The following COL5A2 variants were observed in gnomAD, a reference collection of about 807,000 sequenced individuals.
The protein encoded by COL5A2 is collagen type V alpha 2 chain.
In COL5A2, 23 loss-of-function variants were observed where a neutral mutation model predicts 208.2. The ratio of observed to expected loss-of-function variants is 0.11; its 90% CI spans 0.08 to 0.16. COL5A2 has a LOEUF of 0.16. Ranked by LOEUF, COL5A2 falls within the 10% of genes least tolerant of loss-of-function variation. The pLI, the probability that COL5A2 is intolerant of heterozygous loss-of-function variation, is 1.00. For missense variants in COL5A2, 1,590 were observed against 1,956.4 expected, an observed-to-expected ratio of 0.81 and a Z score of 3.53; for synonymous variants, 625 against 628.5, an observed-to-expected ratio of 0.99 and a Z score of 0.08.
chr2:189,263,916 C>T, the COL5A2 span, among the ~76,000 whole-genome samples: 1 of 152,188 alleles, frequency 6.6e-6, no homozygotes, highest in South Asian at 2.1e-4. Context: ...TTAAGTGACA[C>T]ATAACTATAC....
At chr2:189,110,073 G>A (rs535353723) in intron 2 of COL5A2, 152 bp downstream of exon 2, 22 of 675,928 alleles carry the variant, frequency 3.3e-5, no homozygotes, top group African/African-American at 5.3e-5. Context: ...TAGATGAAGT[G>A]AGTGAGCAAA....
At position 189,167,682 on chromosome 2, in the gene COL5A2, T is replaced by TTTA. The variant is rs1553523157; in HGVS notation, c.97+11825_97+11826insTAA. ...AGAAGTGATTTTTTTTTTTTTTTTTTAGTCCTGGGAGCTGCTTTGTAAATC... is the reference window on the plus strand; with the variant it reads ...AGAAGTGATTTTTTTTTTTTTTTTTTTTAAGTCCTGGGAGCTGCTTTGTAAATC... On this transcript the variant is annotated intron_variant, in intron 1 of 53. Transcript: ENST00000374866. Among the ~76,000 whole-genome samples, 13 of 151,304 alleles carry TTTA rather than the reference T, an allele frequency of 8.6e-5. 2 individuals are homozygous for TTTA. In the East Asian group the frequency reaches 2.5e-3, roughly 29 times the overall value.
chr2:189,269,904 A>G, the COL5A2 span, among the ~76,000 whole-genome samples: 1 of 152,142 alleles, frequency 6.6e-6, no homozygotes, highest in Admixed American at 6.6e-5. Context: ...TACTGCTTCA[A>G]CTTCAGAACT....
At chr2:189,325,714 A>G in the COL5A2 span, among the ~76,000 whole-genome samples, 1 of 152,222 alleles carries the variant, frequency 6.6e-6, no homozygotes. Flanking sequence ...TAACACTTTA[A>G]AGTTTCCAAA....
intron 1 of COL5A2, among the ~76,000 whole-genome samples, chr2:189,120,535 T>A (rs6434324): frequency 1.3e-5 from 2 of 152,080 alleles, no homozygotes; most frequent in Non-Finnish European, 2.9e-5. Context: ...ATTCTGTTTA[T>A]AAAAGCAAAC....
In COL5A2 at chr2:189,179,522, T is replaced by C; in HGVS notation, c.83A>G (p.Glu28Gly). 1.2e-6 allele frequency: 2 copies of C among 1,611,894 alleles called. No individual in the cohort carries two copies. Among genetic ancestry groups the C allele is most frequent in the Non-Finnish European group, 1.7e-6 (2 of 1,178,932 alleles). The change falls in exon 1 of 54, where the codon GAA becomes GGA. Residue 28 changes from glutamate (E) to glycine (G), a missense_variant. Transcript: ENST00000374866. Reference protein sequence around the residue: ...LGQFVSIKAQEEDEDEGYGEE... With the variant: ...LGQFVSIKAQGEDEDEGYGEE... ...GGCAAACTCACCATCCTCGTCTTCT[T>C]CCTGGGCTTTTATTGAGACAAATTG...
intron 8 of COL5A2, among the ~76,000 whole-genome samples, chr2:189,087,826 TAAGAAAAGC>T (rs1295539540): frequency 2.0e-5 from 3 of 148,982 alleles, no homozygotes; most frequent in Non-Finnish European, 3.0e-5. Context: ...GAACATATAG[TAAGAAAAGC>T]TCCATTTAAA....
intron 8 of COL5A2, among the ~76,000 whole-genome samples, chr2:189,087,558 G>C (rs1419727488): frequency 1.3e-5 from 2 of 151,592 alleles, no homozygotes; most frequent in Admixed American, 1.3e-4. Flanking sequence ...CCACCTCCCG[G>C]GTTCACGCCT....
the COL5A2 span, among the ~76,000 whole-genome samples, chr2:189,371,783 G>A: frequency 6.6e-6 from 1 of 152,304 alleles, no homozygotes; most frequent in African/African-American, 2.4e-5. Context: ...AAGGGAAGCA[G>A]ATTGTAAAAG....
chr2:189,138,716 TACATAC>T (rs1687873915), intron 1 of COL5A2, among the ~76,000 whole-genome samples: 1 of 151,848 alleles, frequency 6.6e-6, no homozygotes, highest in Non-Finnish European at 1.5e-5. Context: ...AGTAAAAAAG[TACATAC>T]ACACAAAAAA....
intron 52 of COL5A2, among the ~76,000 whole-genome samples, chr2:189,036,136 G>T (rs1685439282): frequency 6.6e-6 from 1 of 151,904 alleles, no homozygotes; most frequent in Non-Finnish European, 1.5e-5. Flanking sequence ...TATCCACATG[G>T]AAACTATGGA....
chr2:189,262,301 A>T, the COL5A2 span, among the ~76,000 whole-genome samples: 1 of 152,086 alleles, frequency 6.6e-6, no homozygotes, highest in East Asian at 1.9e-4. Flanking sequence ...TTTTTCTCTG[A>T]AAGCTTTTAG....
the COL5A2 span, among the ~76,000 whole-genome samples, chr2:189,433,227 C>T: frequency 6.6e-6 from 1 of 152,030 alleles, no homozygotes; most frequent in Non-Finnish European, 1.5e-5. Context: ...CAAGAGAAAG[C>T]AGGAAAGATC....
In COL5A2 at chr2:189,034,178, A is replaced by G. The variant is rs142544320; in HGVS notation, c.4392T>C (p.Tyr1464=). The change falls in exon 54 of 54, where the codon TAT becomes TAC. Residue 1464 remains tyrosine, a synonymous_variant. Transcript: ENST00000374866. ...NGNVGKTVFE[Y]RTQNVARLPI... ...GCAAGCGTGCCACATTCTGTGTTCT[A>G]TATTCAAAGACAGTCTTGCCCACAT... 3.9e-4 allele frequency: 630 copies of G among 1,614,012 alleles called. 2 individuals carry two copies. The highest frequency in any genetic ancestry group is 5.2e-4 in the Non-Finnish European group (610 of 1,179,924).
At chr2:189,205,463 C>T (rs1359809955) in intron 1 of COL5A2, among the ~76,000 whole-genome samples, 1 of 152,166 alleles carries the variant, frequency 6.6e-6, no homozygotes, top group Non-Finnish European at 1.5e-5. Context: ...CTAAACAAGG[C>T]AATGGCCACT....
At chr2:189,178,150 T>C (rs1173187404) in intron 1 of COL5A2, among the ~76,000 whole-genome samples, 1 of 152,158 alleles carries the variant, frequency 6.6e-6, no homozygotes, top group Non-Finnish European at 1.5e-5. Context: ...TTTTCACCTT[T>C]TATAAATTAC....
the COL5A2 span, among the ~76,000 whole-genome samples, chr2:189,247,234 G>A: frequency 6.6e-6 from 1 of 152,196 alleles, no homozygotes; most frequent in South Asian, 2.1e-4. Context: ...CAAAGTGATG[G>A]ATGCCAACAG....
chr2:189,307,745 T>C, the COL5A2 span, among the ~76,000 whole-genome samples: 1 of 152,328 alleles, frequency 6.6e-6, no homozygotes, highest in African/African-American at 2.4e-5. Flanking sequence ...TATCTTGATA[T>C]CTTGAGAACA....
chr2:189,287,432 G>C, the COL5A2 span, among the ~76,000 whole-genome samples: 1 of 151,932 alleles, frequency 6.6e-6, no homozygotes, highest in Non-Finnish European at 1.5e-5. Context: ...AAGGTGGGGA[G>C]GTTGGGGAAA....
Sources: allele counts gnomAD v4.1 joint callset (sites outside exome capture counted in the v4.1 genomes callset), GRCh38; gene constraint gnomAD v4.1.1; transcripts MANE v1.5; gene names NCBI Gene and HGNC (gene_info 2026-07-23, HGNC 2026-07-21).